The following GNAQ variants were observed in gnomAD, a reference collection of about 807,000 sequenced individuals.
GNAQ encodes G protein subunit alpha q.
Under a neutral mutation model 43.9 loss-of-function variants are expected in GNAQ, and 8 were observed. That is an observed-to-expected ratio of 0.18 (90% CI 0.11 to 0.33). GNAQ has a LOEUF of 0.33. Among genes scored for constraint, GNAQ ranks in the 10% least tolerant of loss-of-function variants. The probability of loss-of-function intolerance (pLI) is 1.00; values close to 1 mark genes in which losing one functional copy is unlikely to be tolerated. For synonymous variants in GNAQ, 155 were observed against 170.7 expected (o/e 0.91, Z 0.71); for missense variants, 158 against 450.8 (o/e 0.35, Z 5.88).
At chr9:77,881,565 G>C (rs1427510570) in intron 2 of GNAQ, among the ~76,000 whole-genome samples, 1 of 152,064 alleles carries the variant, frequency 6.6e-6, no homozygotes. Flanking sequence ...TCTTTGTAGA[G>C]ACAGGGGCTT....
At chr9:77,977,718 G>A (rs1242540215) in intron 1 of GNAQ, among the ~76,000 whole-genome samples, 1 of 152,168 alleles carries the variant, frequency 6.6e-6, no homozygotes, top group Admixed American at 6.5e-5. Context: ...CCTTATAGGA[G>A]GAACATTTTC....
At chr9:78,026,061 T>C (rs1823975932) in intron 1 of GNAQ, among the ~76,000 whole-genome samples, 1 of 152,180 alleles carries the variant, frequency 6.6e-6, no homozygotes, top group Admixed American at 6.5e-5. Flanking sequence ...AGAGCTGAGA[T>C]GGTTTTCTTT....
At chr9:78,026,293 C>T (rs1045268441) in intron 1 of GNAQ, among the ~76,000 whole-genome samples, 2 of 152,120 alleles carry the variant, frequency 1.3e-5, no homozygotes, top group African/African-American at 4.8e-5. Context: ...GATGAATCTA[C>T]GTAGTTCAAT....
chr9:77,808,874 C>A (rs7874709), intron 3 of GNAQ, among the ~76,000 whole-genome samples: 25,018 of 147,334 alleles, frequency 0.17, 3,552 homozygotes, highest in African/African-American at 0.39. Flanking sequence ...TTAAAAAAAA[C>A]AAAACAAAAC....
intron 6 of GNAQ, among the ~76,000 whole-genome samples, chr9:77,726,793 T>C (rs895645483): frequency 3.3e-5 from 5 of 152,212 alleles, no homozygotes; most frequent in Admixed American, 6.5e-5. Context: ...GCTAAATAAA[T>C]TTGTCTGAGG....
At position 77,716,263 on chromosome 9, in the gene GNAQ, A is replaced by G. The variant is rs1340620847; in HGVS notation, c.*5060T>C. 3 of 228,296 alleles carry G rather than the reference A, an allele frequency of 1.3e-5. No homozygotes were observed. The highest frequency in any genetic ancestry group is 4.4e-5 in the African/African-American group (2 of 45,080). 14.1% of individuals were successfully genotyped at this position (228,296 alleles called of 1,614,324 possible). ...GCAAAACTCAACAATGAAGAATACT[A>G]TAGTACAAAATTATGGCCAAAAATA... On this transcript the variant is annotated 3_prime_UTR_variant, in exon 7 of 7. Coordinates refer to ENST00000286548, the MANE Select transcript of GNAQ (RefSeq NM_002072.5).
At chr9:78,014,251 T>A (rs1823809429) in intron 1 of GNAQ, among the ~76,000 whole-genome samples, 1 of 152,120 alleles carries the variant, frequency 6.6e-6, no homozygotes, top group African/African-American at 2.4e-5. Flanking sequence ...CACCCTAACA[T>A]TATTCATCAT....
chr9:77,877,684 A>G (rs1327994111), intron 2 of GNAQ, among the ~76,000 whole-genome samples: 1 of 152,184 alleles, frequency 6.6e-6, no homozygotes, highest in Non-Finnish European at 1.5e-5. Flanking sequence ...ACTAATTCAT[A>G]AGAATTTGAT....
chr9:77,883,788 C>T (rs1433042100), intron 2 of GNAQ, among the ~76,000 whole-genome samples: 2 of 152,170 alleles, frequency 1.3e-5, no homozygotes, highest in East Asian at 3.8e-4. Flanking sequence ...CATGTGGTCA[C>T]ACCCTATCTT....
At chr9:77,898,615 G>A (rs200752333) in intron 2 of GNAQ, among the ~76,000 whole-genome samples, 1 of 120,248 alleles carries the variant, frequency 8.3e-6, no homozygotes, top group East Asian at 2.3e-4. Context: ...ATGAATGAAT[G>A]AATAAATGGA....
intron 3 of GNAQ, among the ~76,000 whole-genome samples, chr9:77,800,947 A>T (rs1223387669): frequency 6.6e-6 from 1 of 152,204 alleles, no homozygotes; most frequent in Admixed American, 6.5e-5. Context: ...CTGCTCAGAA[A>T]TATATTGCCT....
intron 5 of GNAQ, among the ~76,000 whole-genome samples, chr9:77,783,755 G>T (rs116037508): frequency 0.012 from 1,847 of 152,222 alleles, 38 homozygotes; most frequent in African/African-American, 0.041. Flanking sequence ...GAGCACTTCT[G>T]ACTTTAAAAA....
chr9:77,992,503 G>A, intron 1 of GNAQ, among the ~76,000 whole-genome samples: 1 of 151,734 alleles, frequency 6.6e-6, no homozygotes, highest in East Asian at 1.9e-4. Flanking sequence ...CAGAAGGACA[G>A]AGATCTCTCT....
At chr9:77,919,940 G>C (rs189748807) in intron 2 of GNAQ, among the ~76,000 whole-genome samples, 1 of 152,006 alleles carries the variant, frequency 6.6e-6, no homozygotes, top group Non-Finnish European at 1.5e-5. Flanking sequence ...AAGAGATCAA[G>C]ATCACCTGGT....
chr9:77,848,788 G>C (rs1441617434), intron 2 of GNAQ, among the ~76,000 whole-genome samples: 1 of 152,186 alleles, frequency 6.6e-6, no homozygotes, highest in Non-Finnish European at 1.5e-5. Flanking sequence ...AGTCTGGAGG[G>C]AGACAGGGAT....
intron 2 of GNAQ, among the ~76,000 whole-genome samples, chr9:77,855,744 A>C (rs1479444646): frequency 6.6e-6 from 1 of 152,052 alleles, no homozygotes; most frequent in Non-Finnish European, 1.5e-5. Flanking sequence ...ACCAATAAAA[A>C]TGCAATAAAA....
intron 1 of GNAQ, among the ~76,000 whole-genome samples, chr9:77,979,650 TG>T (rs1397584432): frequency 1.3e-5 from 2 of 152,296 alleles, no homozygotes; most frequent in Non-Finnish European, 2.9e-5. Context: ...CTGAACTCTC[TG>T]GAAGACTAAA....
chr9:77,872,099 T>C (rs539453631), intron 2 of GNAQ, among the ~76,000 whole-genome samples: 4 of 152,372 alleles, frequency 2.6e-5, no homozygotes, highest in South Asian at 2.1e-4. Flanking sequence ...CATTTGTTTG[T>C]TGAATTCTTA....
Position 77,721,422 on chromosome 9 carries a change from G to A in GNAQ, c.981C>T (p.His327=), listed in dbSNP as rs758215116. The A allele has an allele frequency of 1.2e-6, 2 of 1,612,754 alleles. No individual in the cohort carries two copies. The highest frequency in any genetic ancestry group is 1.7e-6 in the Non-Finnish European group (2 of 1,179,030). The part of the protein sequence containing the change: ...NPDSDKIIYS[H]FTCATDTENI... ...TCTCGGTGTCTGTGGCGCACGTGAA[G>A]TGGGAGTAGATAATTTTGTCACTGT... Residue 327 remains histidine (H), a synonymous_variant, in exon 7 of 7, where the codon CAC becomes CAT. Coordinates refer to ENST00000286548, the MANE Select transcript of GNAQ (RefSeq NM_002072.5).
Sources: allele counts gnomAD v4.1 joint callset (sites outside exome capture counted in the v4.1 genomes callset), GRCh38; gene constraint gnomAD v4.1.1; transcripts MANE v1.5; gene names NCBI Gene and HGNC (gene_info 2026-07-23, HGNC 2026-07-21).